Variants in ITGB4 observed in about 807,000 individuals in gnomAD.
The protein encoded by ITGB4 is integrin subunit beta 4.
Under a neutral mutation model 207.6 loss-of-function variants are expected in ITGB4, and 159 were observed. The ratio of observed to expected loss-of-function variants is 0.77; its 90% CI spans 0.67 to 0.87. The LOEUF (loss-of-function observed/expected upper bound fraction) is 0.87, where lower values mean the gene tolerates loss of function less well. Among genes scored for constraint, ITGB4 ranks in the 40% least tolerant of loss-of-function variants. The pLI is 0.00. For missense variants in ITGB4, 2,278 were observed against 2,546.8 expected (o/e 0.89, Z 2.27); for synonymous variants, 1,020 against 1,062.7 (o/e 0.96, Z 0.78).
chr17:75,748,086 A>G (rs1186814576), intron 26 of ITGB4, among the ~76,000 whole-genome samples: 2 of 149,614 alleles, frequency 1.3e-5, no homozygotes, highest in Non-Finnish European at 3.0e-5. Flanking sequence ...TGAAAGGAAG[A>G]TGGGTGGCTC....
intron 13 of ITGB4, among the ~76,000 whole-genome samples, chr17:75,734,149 TTTTTG>T (rs2060925994): frequency 6.8e-6 from 1 of 146,444 alleles, no homozygotes; most frequent in African/African-American, 2.5e-5. Flanking sequence ...TTTTTTTTTT[TTTTTG>T]AGACAGAGTT....
At chr17:75,755,290 C>A (rs1599317199) in intron 34 of ITGB4, 2 of 1,443,670 alleles carry the variant, frequency 1.4e-6, no homozygotes, top group Non-Finnish European at 1.9e-6. Flanking sequence ...CAGCCGCCAG[C>A]TGTGCCCACT....
chr17:75,727,696 C>T lies in ITGB4; in HGVS notation c.310C>T (p.Gln104Ter). ...TTLRRSQMSP[Q>*]GLRVRLRPGE... ...CCTGCGGCGCAGCCAGATGTCCCCC[C>T]AAGGCCTGCGGGTCCGTCTGCGGCC... Residue 104 changes from glutamine to a stop codon, truncating the protein, a stop_gained, in exon 5 of 40, where the codon CAA (glutamine) becomes TAA (stop). Transcript: ENST00000200181. LOFTEE classifies it high-confidence loss of function. This position sits in a 1 kb window ranked among gnomAD's most constrained non-coding sequence, Gnocchi z 6.0. 1 of 1,612,300 alleles carries T rather than the reference C, an allele frequency of 6.2e-7. No homozygotes were observed. The highest frequency in any genetic ancestry group is 2.2e-5 in the East Asian group (1 of 44,846).
At chr17:75,723,807 C>G (rs555853569) in intron 1 of ITGB4, among the ~76,000 whole-genome samples, 2 of 152,264 alleles carry the variant, frequency 1.3e-5, no homozygotes, top group African/African-American at 4.8e-5. Flanking sequence ...GAAAGAGGCG[C>G]GGTGCTCACC....
rs985556901 is a variant in ITGB4, at chr17:75,722,881, C to T, written c.-11+1269C>T. 8.6e-5 allele frequency among the ~76,000 whole-genome samples: 13 copies of T among 151,808 alleles called. No individual in the cohort carries two copies. The highest frequency in any genetic ancestry group is 1.3e-4 in the Non-Finnish European group (9 of 67,946). On this transcript the variant is annotated intron_variant, in intron 1 of 39. Coordinates refer to ENST00000200181, the MANE Select transcript of ITGB4 (RefSeq NM_000213.5). This position sits in a 1 kb window ranked among gnomAD's most constrained non-coding sequence, Gnocchi z 6.2. ...CCAGGGACCTGCTGGTACATAAAGT[C>T]GGGGCAGCCTGGTGGGGTCCGGGCC... is the stretch of plus-strand genomic sequence containing the variant.
chr17:75,731,209 C>T lies in ITGB4; in HGVS notation c.1093-37C>T. On this transcript the variant is annotated intron_variant, in intron 9 of 39. Transcript: ENST00000200181. The surrounding 1 kb of genome is among the most constrained non-coding windows in gnomAD (Gnocchi z 6.8). ...GAGGTTGGGGTGGAGCACAGAGGCC[C>T]CCCACAGAGCACTGATCAACCTCCT... 2 of 1,613,048 alleles carry T rather than the reference C, an allele frequency of 1.2e-6. No homozygotes were observed. Among genetic ancestry groups the T allele is most frequent in the Non-Finnish European group, 1.7e-6 (2 of 1,179,990 alleles).
chr17:75,724,615 C>T, intron 1 of ITGB4, 79 bp from the exon 2 acceptor site: 1 of 1,094,550 alleles, frequency 9.1e-7, no homozygotes, highest in Non-Finnish European at 1.4e-6. Context: ...TCAGTTCCCA[C>T]AGCTGTGCAG....
chr17:75,741,660 G>C (rs1432445904), intron 23 of ITGB4, among the ~76,000 whole-genome samples: 1 of 152,086 alleles, frequency 6.6e-6, no homozygotes, highest in Non-Finnish European at 1.5e-5. Context: ...ACAAAAATTA[G>C]CCAGGTGTGT....
intron 5 of ITGB4, 54 bp from the exon 6 acceptor site, chr17:75,728,323 T>C: frequency 6.6e-7 from 1 of 1,518,168 alleles, no homozygotes; most frequent in Non-Finnish European, 9.2e-7. Context: ...GGGGCCCGTG[T>C]TTATGCCAGG....
rs1028145573 is a variant in ITGB4 at position 75,757,781 on chromosome 17, C to T, written c.*226C>T. On this transcript the variant is annotated 3_prime_UTR_variant, in exon 40 of 40. Transcript: ENST00000200181. ...GCTGGGAGCAGCACAAGGACCCAGC[C>T]TTTGTTCTGCACTTAATAAATGGTT... 1.5e-6 allele frequency: 1 copy of T among 682,918 alleles called. No homozygotes were observed. Among genetic ancestry groups the T allele is most frequent in the African/African-American group, 1.8e-5 (1 of 56,030 alleles). The allele number at this position is 682,918 out of a possible 1,614,324, so 42.3% of individuals were successfully genotyped here.
chr17:75,727,265 C>T lies in ITGB4; in HGVS notation c.150C>T (p.Tyr50=). 1 of 1,614,006 alleles carries T rather than the reference C, an allele frequency of 6.2e-7. No individual in the cohort carries two copies. The change falls in exon 3 of 40, where the codon TAC becomes TAT. Residue 50 remains tyrosine (Y), a synonymous_variant. Coordinates refer to ENST00000200181, the MANE Select transcript of ITGB4 (RefSeq NM_000213.5). The surrounding 1 kb of genome is among the most constrained non-coding windows in gnomAD (Gnocchi z 6.0). Reference sequence around the variant, plus strand: ...TCCGTGTGGATAAGGACTGCGCCTACTGCACAGACGAGGTGAGGACCTGGC... The same window carrying T: ...TCCGTGTGGATAAGGACTGCGCCTATTGCACAGACGAGGTGAGGACCTGGC... ...ECVRVDKDCA[Y]CTDEMFRDRR...
chr17:75,748,894 AGAGCTGCAGGTGAAGCTCCTG>A lies in ITGB4; in HGVS notation c.3174_3194del (p.Val1059_Gln1065del). 6.2e-7 allele frequency: 1 copy of A among 1,612,912 alleles called. No homozygotes were observed. ...TGTTCCAGCCTGGGGAGGCCTGGAA[AGAGCTGCAGGTGAAGCTCCTG>A]GAGCTGCAAGAAGTTGACTCCCTCC... On this transcript the variant is annotated inframe_deletion, in exon 27 of 40. Coordinates refer to ENST00000200181, the MANE Select transcript of ITGB4 (RefSeq NM_000213.5).
chr17:75,757,275 C>T lies in ITGB4; in HGVS notation c.5294C>T (p.Thr1765Ile), dbSNP rs757967752. 3.7e-6 allele frequency: 6 copies of T among 1,610,948 alleles called. No homozygotes were observed. Among genetic ancestry groups the T allele is most frequent in the Non-Finnish European group, 4.2e-6 (5 of 1,179,958 alleles). ...PLQSEYSSIT[T>I]THTSATEPFL... ...CAAAGCGAGTACAGCAGCATCACCACCACCCACACCAGCGCCACCGAGCCC... is the reference window on the plus strand; with the variant it reads ...CAAAGCGAGTACAGCAGCATCACCATCACCCACACCAGCGCCACCGAGCCC... The change falls in exon 39 of 40, where the codon ACC becomes ATC. Residue 1765 changes from threonine (T) to isoleucine (I), a missense_variant. Physicochemically the swap from Thr to Ile is moderately conservative, Grantham distance 89 (BLOSUM62 -1). Coordinates refer to ENST00000200181, the MANE Select transcript of ITGB4 (RefSeq NM_000213.5).
chr17:75,725,376 C>T (rs2060697975), intron 2 of ITGB4, among the ~76,000 whole-genome samples: 1 of 152,136 alleles, frequency 6.6e-6, no homozygotes, highest in African/African-American at 2.4e-5. Context: ...GCAGTGATGC[C>T]ATCGTGGCTC....
At chr17:75,752,120 G>A in intron 30 of ITGB4, 54 bp from the exon 31 acceptor site, 4 of 1,585,944 alleles carry the variant, frequency 2.5e-6, no homozygotes, top group Non-Finnish European at 3.5e-6. Context: ...CAGGGGTGGT[G>A]TTGGGACCAG....
At position 75,736,135 on chromosome 17, in the gene ITGB4, C is replaced by T. The variant is rs781390773; in HGVS notation, c.1742C>T (p.Thr581Ile). 1 of 1,614,178 alleles carries T rather than the reference C, an allele frequency of 6.2e-7. No homozygotes were observed. Among genetic ancestry groups the T allele is most frequent in the South Asian group, 1.1e-5 (1 of 91,084 alleles). The change falls in exon 14 of 40, where the codon ACC (threonine) becomes ATC (isoleucine). Residue 581 changes from threonine to isoleucine, a missense_variant. Transcript: ENST00000200181. ...PSCDCPLSNA[T>I]CIDSNGGICN... is the part of the protein sequence containing the mutation. Reference sequence around the variant, plus strand: ...TGTGACTGTCCCCTCAGCAATGCCACCTGCATCGACAGCAATGGGGTAGGC... The same window carrying T: ...TGTGACTGTCCCCTCAGCAATGCCATCTGCATCGACAGCAATGGGGTAGGC...
At position 75,722,305 on chromosome 17, in the gene ITGB4, G is replaced by A. The variant is rs1458293543; in HGVS notation, c.-11+693G>A. Reference sequence around the variant, plus strand: ...TCTTTCCCATGGCTCAGCCTCTGGGGTGGCCCTCTGGCTGGGACTGGGGCT... The same window carrying A: ...TCTTTCCCATGGCTCAGCCTCTGGGATGGCCCTCTGGCTGGGACTGGGGCT... On this transcript the variant is annotated intron_variant, in intron 1 of 39. Transcript: ENST00000200181. The surrounding 1 kb of genome is among the most constrained non-coding windows in gnomAD (Gnocchi z 6.2). Among the ~76,000 whole-genome samples, 1 of 152,198 alleles carries A rather than the reference G, an allele frequency of 6.6e-6. No homozygotes were observed. Among genetic ancestry groups the A allele is most frequent in the African/African-American group, 2.4e-5 (1 of 41,454 alleles).
At chr17:75,728,024 C>A (rs1394665878) in intron 5 of ITGB4, among the ~76,000 whole-genome samples, 169 bp downstream of exon 5, 1 of 152,122 alleles carries the variant, frequency 6.6e-6, no homozygotes, top group Non-Finnish European at 1.5e-5. Flanking sequence ...CGGTCAGACC[C>A]TACTCACCAC....
chr17:75,753,777 A>T lies in ITGB4; in HGVS notation c.4121A>T (p.Lys1374Met). 2.1e-6 allele frequency: 3 copies of T among 1,449,056 alleles called. No individual in the cohort carries two copies. The highest frequency in any genetic ancestry group is 2.9e-5 in the African/African-American group (2 of 69,208). 89.8% of individuals were successfully genotyped at this position (1,449,056 alleles called of 1,614,324 possible). The change falls in exon 33 of 40, where the codon AAG (lysine) becomes ATG (methionine). Residue 1374 changes from lysine to methionine, a missense_variant. Physicochemically the swap from Lys to Met is moderately conservative, Grantham distance 95 (BLOSUM62 -1). Coordinates refer to ENST00000200181, the MANE Select transcript of ITGB4 (RefSeq NM_000213.5). Reference protein sequence around the residue: ...SVSDDTGCGWKFEPLLGEELD... With the variant: ...SVSDDTGCGWMFEPLLGEELD... The stretch of plus-strand genomic sequence containing the variant: ...CGTTGTTCCCAAGGCTGCGGCTGGA[A>T]GTTCGAGCCCCTGCTGGGGGAGGAG...
Sources: gnomAD v4.1 joint callset for allele counts (sites outside exome capture counted in the v4.1 genomes callset) on GRCh38, gnomAD v4.1.1 for gene constraint, Gnocchi (gnomAD v3.1) non-coding constraint, MANE v1.5 for transcripts, NCBI Gene and HGNC (gene_info 2026-07-23, HGNC 2026-07-21) for gene names.